The following TRDN variants were observed in gnomAD, a reference collection of about 807,000 sequenced individuals.
TRDN encodes triadin in skeletal muscle.
TRDN carries 161 observed loss-of-function variants against 149.7 expected under a neutral mutation model. That is an observed-to-expected ratio of 1.08 (90% CI 0.95 to 1.23). The LOEUF (loss-of-function observed/expected upper bound fraction) is 1.23. TRDN is among the 50% of genes most tolerant of loss of function. The pLI, the probability that TRDN is intolerant of heterozygous loss-of-function variation, is 0.00. For missense variants in TRDN, 896 were observed against 823.5 expected (o/e 1.09, Z -1.08); for synonymous variants, 294 against 250.5 (o/e 1.17, Z -1.64).
At chr6:123,242,211 G>C (rs1166041592) in intron 38 of TRDN, among the ~76,000 whole-genome samples, 1 of 151,998 alleles carries the variant, frequency 6.6e-6, no homozygotes, top group Non-Finnish European at 1.5e-5. Context: ...TTTTGCCTTT[G>C]GGCAAGTTCC....
At chr6:123,420,742 G>C (rs1236329629) in intron 12 of TRDN, among the ~76,000 whole-genome samples, 1 of 152,104 alleles carries the variant, frequency 6.6e-6, no homozygotes, top group Non-Finnish European at 1.5e-5. Context: ...CATTATACTA[G>C]GTGCTAGATA....
intron 21 of TRDN, 98 bp downstream of exon 21, chr6:123,352,441 A>G (rs1332576816): frequency 2.0e-6 from 3 of 1,533,458 alleles, no homozygotes; most frequent in Non-Finnish European, 2.6e-6. Context: ...AATAGACTTA[A>G]AGGTTATTGT....
At chr6:123,458,027 G>T (rs1344591986) in intron 10 of TRDN, among the ~76,000 whole-genome samples, 2 of 152,126 alleles carry the variant, frequency 1.3e-5, no homozygotes, top group Admixed American at 1.3e-4. Flanking sequence ...TCTTACAGTT[G>T]ATCCTTTAGT....
intron 23 of TRDN, among the ~76,000 whole-genome samples, chr6:123,322,753 G>A (rs1779291787): frequency 6.6e-6 from 1 of 151,640 alleles, no homozygotes; most frequent in Non-Finnish European, 1.5e-5. Flanking sequence ...CCATTCTCCT[G>A]CCTCAGCCTC....
At chr6:123,570,113 T>C (rs1782488661) in intron 2 of TRDN, among the ~76,000 whole-genome samples, 1 of 152,140 alleles carries the variant, frequency 6.6e-6, no homozygotes, top group Non-Finnish European at 1.5e-5. Context: ...TTATAGTGTC[T>C]GGGTCCTACT....
At chr6:123,515,007 A>C (rs1477907317) in intron 6 of TRDN, among the ~76,000 whole-genome samples, 2 of 152,104 alleles carry the variant, frequency 1.3e-5, no homozygotes, top group Non-Finnish European at 2.9e-5. Flanking sequence ...TGACAGGTTG[A>C]TAGGTGCAGC....
At chr6:123,308,007 C>G (rs1778675828) in intron 24 of TRDN, among the ~76,000 whole-genome samples, 1 of 151,856 alleles carries the variant, frequency 6.6e-6, no homozygotes, top group Non-Finnish European at 1.5e-5. Context: ...CCCTTTGTCC[C>G]CTCTCTTTCT....
Position 123,255,018 on chromosome 6 carries a change from T to C in TRDN, c.1951+63A>G, listed in dbSNP as rs1582782435. The C allele has an allele frequency of 1.5e-5, 14 of 939,642 alleles. No individual in the cohort carries two copies. The East Asian group carries it at 3.8e-4, about 25-fold the overall frequency. The allele number at this position is 939,642 out of a possible 1,614,324, so 58.2% of individuals were successfully genotyped here. The stretch of plus-strand genomic sequence containing the variant: ...GTTCCAAAATAATTTAATATTAATA[T>C]TAAGCAACAACATAATTCATATGTT... On this transcript the variant is annotated intron_variant, in intron 37 of 40. Transcript: ENST00000334268.
Position 123,574,848 on chromosome 6 carries a change from TTATATATACATATATA to T in TRDN, c.23-3732_23-3717del, listed in dbSNP as rs1239380177. On this transcript the variant is annotated intron_variant, in intron 1 of 40. Transcript: ENST00000334268. ...TAAACATTTAAAACAGAACATGAAT[TTATATATACATATATA>T]TATATATATATATATATATATATAT... Among the ~76,000 whole-genome samples, 991 of 102,510 alleles carry T rather than the reference TTATATATACATATATA, an allele frequency of 9.7e-3. 11 individuals carry two copies. The highest frequency in any genetic ancestry group is 0.037 in the East Asian group (134 of 3,574). The allele number at this position is 102,510 out of a possible 152,430, so 67.3% of individuals were successfully genotyped here.
chr6:123,455,406 CTGTG>C (rs71751722), intron 10 of TRDN, among the ~76,000 whole-genome samples: 22,166 of 145,544 alleles, frequency 0.15, 1,889 homozygotes, highest in African/African-American at 0.25. Flanking sequence ...AAGGCAACCA[CTGTG>C]TGTGTGTGTG....
chr6:123,395,466 G>A (rs1471892993), intron 12 of TRDN, among the ~76,000 whole-genome samples: 6 of 152,076 alleles, frequency 3.9e-5, no homozygotes, highest in African/African-American at 1.4e-4. Flanking sequence ...TCTCAATGGG[G>A]TTTACCTCTT....
At position 123,217,415 on chromosome 6, in the gene TRDN, T is replaced by C. The variant is rs558062377; in HGVS notation, c.*1186A>G. The C allele has an allele frequency of 1.3e-5, 2 of 152,042 alleles. No homozygotes were observed. Among genetic ancestry groups the C allele is most frequent in the Non-Finnish European group, 2.9e-5 (2 of 67,910 alleles). The allele number at this position is 152,042 out of a possible 1,614,324, so 9.4% of individuals were successfully genotyped here. On this transcript the variant is annotated 3_prime_UTR_variant, in exon 41 of 41. Transcript: ENST00000334268. Reference sequence around the variant, plus strand: ...CTGAGTTAATTTGTCATAAGTTCAGTTGCAATTGTAAACATGATAAAGGTC... The same window carrying C: ...CTGAGTTAATTTGTCATAAGTTCAGCTGCAATTGTAAACATGATAAAGGTC...
chr6:123,555,935 G>C (rs1373190876), intron 2 of TRDN, among the ~76,000 whole-genome samples: 1 of 152,070 alleles, frequency 6.6e-6, no homozygotes, highest in Admixed American at 6.5e-5. Context: ...GTATTTCAAG[G>C]ATCCTCACAT....
intron 38 of TRDN, among the ~76,000 whole-genome samples, chr6:123,242,093 G>A (rs2114546506): frequency 6.6e-6 from 1 of 152,158 alleles, no homozygotes; most frequent in South Asian, 2.1e-4. Context: ...ATCTTGCCAG[G>A]GCCATCCCCC....
chr6:123,345,061 A>G (rs1466480004), intron 21 of TRDN, among the ~76,000 whole-genome samples: 2 of 151,948 alleles, frequency 1.3e-5, no homozygotes, highest in African/African-American at 2.4e-5. Flanking sequence ...CCCAACTTAT[A>G]TATTTTTTTT....
chr6:123,243,891 C>T (rs998136145), intron 38 of TRDN, among the ~76,000 whole-genome samples: 8 of 151,904 alleles, frequency 5.3e-5, no homozygotes, highest in Admixed American at 1.3e-4. Context: ...ATCTATTTAA[C>T]GAAATAATGG....
At chr6:123,319,149 T>C (rs922104681) in intron 23 of TRDN, among the ~76,000 whole-genome samples, 1 of 152,126 alleles carries the variant, frequency 6.6e-6, no homozygotes, top group Non-Finnish European at 1.5e-5. Flanking sequence ...AGAAGTGATG[T>C]ATATAAAGAG....
At chr6:123,467,884 G>C (rs928254566) in intron 9 of TRDN, among the ~76,000 whole-genome samples, 1 of 152,060 alleles carries the variant, frequency 6.6e-6, no homozygotes, top group African/African-American at 2.4e-5. Context: ...GCATGCTTAG[G>C]AGTCACATGG....
intron 20 of TRDN, among the ~76,000 whole-genome samples, chr6:123,353,851 T>C (rs937454043): frequency 6.6e-6 from 1 of 151,788 alleles, no homozygotes; most frequent in Non-Finnish European, 1.5e-5. Flanking sequence ...AAGGGAGATG[T>C]TAAACTAAAA....
Sources: gnomAD v4.1 joint callset for allele counts (sites outside exome capture counted in the v4.1 genomes callset) on GRCh38, gnomAD v4.1.1 for gene constraint, MANE v1.5 for transcripts, NCBI Gene and HGNC (gene_info 2026-07-23, HGNC 2026-07-21) for gene names.